ABAT: variants seen among roughly 807,000 people sequenced by gnomAD.
ABAT encodes 4-aminobutyrate aminotransferase, mitochondrial.
Under a neutral mutation model 64.6 loss-of-function variants are expected in ABAT, and 45 were observed. The observed-to-expected ratio is 0.70, with a 90% CI of 0.55 to 0.89. ABAT has a LOEUF of 0.89. Among genes scored for constraint, ABAT ranks in the 40% least tolerant of loss-of-function variants. The pLI is 0.00. For synonymous variants in ABAT, 297 were observed against 250.5 expected, an observed-to-expected ratio of 1.19 and a Z score of -1.75; for missense variants, 633 against 658.4, an observed-to-expected ratio of 0.96 and a Z score of 0.42.
At chr16:8,688,742 C>T (rs557443648) in intron 1 of ABAT, among the ~76,000 whole-genome samples, 9 of 152,154 alleles carry the variant, frequency 5.9e-5, no homozygotes, top group African/African-American at 1.9e-4. Flanking sequence ...CATGAGCCAC[C>T]AAGCCTGGTC....
intron 1 of ABAT, among the ~76,000 whole-genome samples, chr16:8,720,000 T>C (rs1405481393): frequency 6.6e-6 from 1 of 152,070 alleles, no homozygotes; most frequent in Non-Finnish European, 1.5e-5. Context: ...TTTTGTAGAG[T>C]TGGGACTTCA....
chr16:8,695,899 C>T (rs867527936), intron 1 of ABAT, among the ~76,000 whole-genome samples: 2 of 152,244 alleles, frequency 1.3e-5, no homozygotes, highest in South Asian at 2.1e-4. Flanking sequence ...TGCACAGAAC[C>T]TTAGAACCTG....
At chr16:8,722,967 G>GCCACCTT in intron 1 of ABAT, 3 of 885,266 alleles carry the variant, frequency 3.4e-6, no homozygotes, top group Non-Finnish European at 4.8e-6. Flanking sequence ...AGCCAGGCAA[G>GCCACCTT]GTGGCTCATG....
intron 15 of ABAT, 61 bp downstream of exon 15, chr16:8,779,651 C>T (rs2060374645): frequency 1.5e-6 from 2 of 1,375,180 alleles, no homozygotes; most frequent in Non-Finnish European, 2.1e-6. Flanking sequence ...GCTGTAGCTG[C>T]CACATGTTGC....
intron 11 of ABAT, 130 bp from the exon 12 acceptor site, chr16:8,772,650 G>C (rs2060147045): frequency 7.7e-7 from 1 of 1,294,746 alleles, no homozygotes; most frequent in South Asian, 1.2e-5. Context: ...AGGCTTCACT[G>C]GTCTTAGGAA....
At chr16:8,700,660 A>G (rs927531716) in intron 1 of ABAT, among the ~76,000 whole-genome samples, 11 of 152,164 alleles carry the variant, frequency 7.2e-5, no homozygotes, top group Non-Finnish European at 1.6e-4. Context: ...CTGTGGCTTG[A>G]TCATAGCTCC....
chr16:8,761,234 G>C (rs2059788123), intron 6 of ABAT, among the ~76,000 whole-genome samples: 1 of 142,438 alleles, frequency 7.0e-6, no homozygotes, highest in South Asian at 2.2e-4. Context: ...ACCTCGTCAG[G>C]GACTGGTCCT....
At chr16:8,688,270 T>A (rs966366429) in intron 1 of ABAT, among the ~76,000 whole-genome samples, 3 of 152,132 alleles carry the variant, frequency 2.0e-5, no homozygotes, top group Non-Finnish European at 4.4e-5. Flanking sequence ...AACCTCTTAG[T>A]AAGGTGGGAA....
intron 1 of ABAT, among the ~76,000 whole-genome samples, chr16:8,733,574 A>C (rs2058820947): frequency 6.6e-6 from 1 of 151,922 alleles, no homozygotes; most frequent in Non-Finnish European, 1.5e-5. Context: ...CTCCGTCTGT[A>C]ATCCCGGCAC....
intron 1 of ABAT, among the ~76,000 whole-genome samples, chr16:8,723,827 A>ATATATTTT (rs1567286201): frequency 1.2e-4 from 5 of 40,360 alleles, no homozygotes; most frequent in Non-Finnish European, 1.6e-4. Context: ...ATATATATAT[A>ATATATTTT]TTTTTTTTTT....
intron 11 of ABAT, among the ~76,000 whole-genome samples, chr16:8,769,892 T>C (rs1037450866): frequency 1.3e-5 from 2 of 152,202 alleles, no homozygotes; most frequent in African/African-American, 4.8e-5. Flanking sequence ...CTGGTTTTTT[T>C]CTTAGGCACA....
intron 1 of ABAT, among the ~76,000 whole-genome samples, chr16:8,675,922 C>T (rs968468215): frequency 1.3e-5 from 2 of 152,190 alleles, no homozygotes; most frequent in African/African-American, 2.4e-5. Flanking sequence ...GTGGAATTCC[C>T]TGGGCACTCA....
At chr16:8,731,831 C>G (rs2058728824) in intron 1 of ABAT, among the ~76,000 whole-genome samples, 1 of 150,922 alleles carries the variant, frequency 6.6e-6, no homozygotes, top group Admixed American at 6.6e-5. Context: ...CCCTCGGCAA[C>G]CTCTTTTTCC....
chr16:8,750,117 C>G (rs930170577), intron 4 of ABAT, among the ~76,000 whole-genome samples: 6 of 152,158 alleles, frequency 3.9e-5, no homozygotes, highest in Admixed American at 6.5e-5. Context: ...TGAGTTTGCT[C>G]TAAGGTTTAC....
intron 15 of ABAT, among the ~76,000 whole-genome samples, chr16:8,779,897 A>G: frequency 6.6e-6 from 1 of 152,214 alleles, no homozygotes; most frequent in East Asian, 1.9e-4. Flanking sequence ...GCAGGAAGGC[A>G]TGGCTTTACA....
chr16:8,745,664 C>T (rs948385330), intron 2 of ABAT, among the ~76,000 whole-genome samples: 1 of 151,950 alleles, frequency 6.6e-6, no homozygotes, highest in Non-Finnish European at 1.5e-5. Context: ...GGCCAATGCA[C>T]TCCAGCCTGG....
chr16:8,772,648 C>T (rs962692357), intron 11 of ABAT, 132 bp from the exon 12 acceptor site: 4 of 1,281,336 alleles, frequency 3.1e-6, no homozygotes, highest in Middle Eastern at 2.1e-4. Context: ...AGAGGCTTCA[C>T]TGGTCTTAGG....
At chr16:8,724,753 A>C (rs2058488481) in intron 1 of ABAT, among the ~76,000 whole-genome samples, 1 of 141,588 alleles carries the variant, frequency 7.1e-6, no homozygotes, top group African/African-American at 2.7e-5. Flanking sequence ...AAACAAAAAA[A>C]AAAAAAAAAA....
intron 14 of ABAT, among the ~76,000 whole-genome samples, chr16:8,779,218 G>A (rs1475137568): frequency 6.6e-6 from 1 of 152,234 alleles, no homozygotes; most frequent in East Asian, 1.9e-4. Context: ...GTTATACAGT[G>A]AGAGGGACAG....
Sources: allele counts gnomAD v4.1 joint callset (sites outside exome capture counted in the v4.1 genomes callset), GRCh38; gene constraint gnomAD v4.1.1; transcripts MANE v1.5; gene names NCBI Gene and HGNC (gene_info 2026-07-23, HGNC 2026-07-21).